The following VPS13C variants were observed in gnomAD, a reference collection of about 807,000 sequenced individuals.
VPS13C encodes the protein intermembrane lipid transfer protein VPS13C.
Under a neutral mutation model 456.8 loss-of-function variants are expected in VPS13C, and 358 were observed. The observed-to-expected ratio is 0.78, with a 90% CI of 0.72 to 0.86. The LOEUF is 0.86. VPS13C is among the 40% of genes least tolerant of loss of function. VPS13C has a pLI of 0.00. For missense variants in VPS13C, 4,818 were observed against 4,385.4 expected (o/e 1.10, Z -2.79); for synonymous variants, 1,578 against 1,486.7 (o/e 1.06, Z -1.41).
intron 66 of VPS13C, among the ~76,000 whole-genome samples, chr15:61,896,544 G>A (rs1159699481): frequency 1.0e-4 from 15 of 149,070 alleles, no homozygotes; most frequent in East Asian, 2.0e-4. Flanking sequence ...CTTTTCCGAC[G>A]GGCTTAAAAA....
intron 32 of VPS13C, 29 bp from the exon 33 acceptor site, chr15:61,962,881 T>C: frequency 6.9e-7 from 1 of 1,439,090 alleles, no homozygotes; most frequent in Non-Finnish European, 9.6e-7. Flanking sequence ...TATTATAATT[T>C]CTACAGACCT....
chr15:61,940,057 C>G (rs527745304), intron 47 of VPS13C, among the ~76,000 whole-genome samples: 1 of 151,192 alleles, frequency 6.6e-6, no homozygotes, highest in Non-Finnish European at 1.5e-5. Flanking sequence ...AATGGTAACA[C>G]CTTTCTAATT....
chr15:62,055,967 C>G (rs1299841000), intron 1 of VPS13C, among the ~76,000 whole-genome samples: 9 of 152,260 alleles, frequency 5.9e-5, no homozygotes, highest in African/African-American at 2.2e-4. Context: ...CTGCTACATG[C>G]CAATAGCACA....
In VPS13C at chr15:62,015,960, CAAAAAAAA is replaced by C. The variant is rs67786303; in HGVS notation, c.685-1976_685-1969del. 4.4e-4 allele frequency among the ~76,000 whole-genome samples: 32 copies of C among 72,420 alleles called. No individual in the cohort carries two copies. In the East Asian group the frequency reaches 7.3e-3, roughly 16 times the overall value. 47.5% of individuals were successfully genotyped at this position (72,420 alleles called of 152,430 possible). ...AAAATAAAAAATAAAAAAAGAAGTCCAAAAAAAAAAAAAAAAAAAAAAAACTAGTTTCC... is the reference window on the plus strand; with the variant it reads ...AAAATAAAAAATAAAAAAAGAAGTCCAAAAAAAAAAAAAAAACTAGTTTCC... On this transcript the variant is annotated intron_variant, in intron 9 of 84. Transcript: ENST00000644861.
At chr15:61,988,589 C>G (rs1232606581) in intron 18 of VPS13C, among the ~76,000 whole-genome samples, 1 of 152,086 alleles carries the variant, frequency 6.6e-6, no homozygotes, top group Non-Finnish European at 1.5e-5. Context: ...AACTGAACAG[C>G]TGATTCTAAA....
At chr15:62,000,687 C>T (rs2046581451) in intron 15 of VPS13C, 61 bp from the exon 16 acceptor site, 14 of 1,451,688 alleles carry the variant, frequency 9.6e-6, no homozygotes, top group Non-Finnish European at 1.3e-5. Context: ...AGAAATTTTT[C>T]TTTCATGATT....
chr15:62,010,463 G>T lies in VPS13C; in HGVS notation c.1011+9C>A. Reference sequence around the variant, plus strand: ...TAATCAAAGCTGGAAATATCCACATGAATCATACCTGAGGTTTGGTCAGTT... The same window carrying T: ...TAATCAAAGCTGGAAATATCCACATTAATCATACCTGAGGTTTGGTCAGTT... On this transcript the variant is annotated intron_variant, in intron 13 of 84. Coordinates refer to ENST00000644861, the MANE Select transcript of VPS13C (RefSeq NM_020821.3). 6.3e-7 allele frequency: 1 copy of T among 1,584,438 alleles called. No individual in the cohort carries two copies. Among genetic ancestry groups the T allele is most frequent in the South Asian group, 1.2e-5 (1 of 85,598 alleles).
At chr15:61,905,058 T>A (rs1566986762) in intron 66 of VPS13C, among the ~76,000 whole-genome samples, 1 of 152,152 alleles carries the variant, frequency 6.6e-6, no homozygotes, top group Non-Finnish European at 1.5e-5. Context: ...CTTGTTGTGT[T>A]AGCTAGTACA....
At chr15:61,896,725 A>T (rs1198538507) in intron 66 of VPS13C, among the ~76,000 whole-genome samples, 1 of 152,214 alleles carries the variant, frequency 6.6e-6, no homozygotes, top group Non-Finnish European at 1.5e-5. Flanking sequence ...AGCAGCTGGG[A>T]AGCTCGAACT....
intron 15 of VPS13C, among the ~76,000 whole-genome samples, chr15:62,004,848 T>C (rs1350346255): frequency 1.3e-5 from 2 of 152,230 alleles, no homozygotes; most frequent in Admixed American, 6.5e-5. Flanking sequence ...AGATTCTTAA[T>C]ACTGAGTTCT....
In VPS13C at chr15:61,984,941, T is replaced by A. The variant is rs764337240; in HGVS notation, c.1637A>T (p.Asn546Ile). Residue 546 changes from asparagine to isoleucine, a missense_variant, in exon 19 of 85, where the codon AAC (asparagine) becomes ATC (isoleucine). By Grantham distance (149) the Asn-to-Ile change is moderately radical. Around this residue, in one of 3 missense-constraint regions of VPS13C, gnomAD observed 4,552 missense variants for 4,130.6 expected, o/e 1.10. Coordinates refer to ENST00000644861, the MANE Select transcript of VPS13C (RefSeq NM_020821.3). ...TTTTAGTATTTCTGGAATATTCTTGTTTTCTCTTATCGTAACAGAGGTGCT... is the reference window on the plus strand; with the variant it reads ...TTTTAGTATTTCTGGAATATTCTTGATTTCTCTTATCGTAACAGAGGTGCT... ...LVSTSVTIRENKNIPEILKIQ... is the reference protein window; with the variant it reads ...LVSTSVTIREIKNIPEILKIQ... The A allele has an allele frequency of 6.2e-7, 1 of 1,611,832 alleles. No homozygotes were observed. The highest frequency in any genetic ancestry group is 8.5e-7 in the Non-Finnish European group (1 of 1,179,294).
In VPS13C at chr15:61,991,787, G is replaced by C; in HGVS notation, c.1369C>G (p.Gln457Glu). The change falls in exon 17 of 85, where the codon CAA becomes GAA. Residue 457 changes from glutamine to glutamate, a missense_variant. Transcript: ENST00000644861. The part of the protein sequence containing the change: ...QAQVEVIRSG[Q>E]KLRKKSADTG... Reference sequence around the variant, plus strand: ...TCAGCAGACTTTTTCCTTAATTTTTGCCCAGACCGAATCACCTGAAAAATA... The same window carrying C: ...TCAGCAGACTTTTTCCTTAATTTTTCCCCAGACCGAATCACCTGAAAAATA... 6.2e-7 allele frequency: 1 copy of C among 1,610,262 alleles called. No individual in the cohort carries two copies. The highest frequency in any genetic ancestry group is 1.1e-5 in the South Asian group (1 of 90,350).
In VPS13C at chr15:61,969,387, C is replaced by A. The variant is rs146940194; in HGVS notation, c.2823G>T (p.Gln941His). 3.1e-6 allele frequency: 5 copies of A among 1,597,064 alleles called. No homozygotes were observed. The highest frequency in any genetic ancestry group is 1.3e-5 in the African/African-American group (1 of 74,322). The change falls in exon 28 of 85, where the codon CAG (glutamine) becomes CAT (histidine). Residue 941 changes from glutamine to histidine, a missense_variant. Physicochemically the swap from Gln to His is conservative, Grantham distance 24 (BLOSUM62 0). Transcript: ENST00000644861. Reference sequence around the variant, plus strand: ...TTCTCATTGTGGCCTCTGTTCCTAACTGAGTAACATTAAATACTAGAATTG... The same window carrying A: ...TTCTCATTGTGGCCTCTGTTCCTAAATGAGTAACATTAAATACTAGAATTG... Reference protein sequence around the residue: ...EDTILVFNVTQLGTEATMRTF... With the variant: ...EDTILVFNVTHLGTEATMRTF...
chr15:61,969,158 A>T (rs1324175859), intron 28 of VPS13C, 141 bp downstream of exon 28: 1 of 571,800 alleles, frequency 1.7e-6, no homozygotes, highest in African/African-American at 1.9e-5. Context: ...TGCTATAAGG[A>T]TTAAATGAGT....
At chr15:62,036,656 C>A (rs1178164912) in intron 3 of VPS13C, among the ~76,000 whole-genome samples, 1 of 151,920 alleles carries the variant, frequency 6.6e-6, no homozygotes, top group Non-Finnish European at 1.5e-5. Flanking sequence ...TCTTGGTGAG[C>A]ATAAGACAGA....
Position 62,033,554 on chromosome 15 carries a change from C to G in VPS13C, c.284-12G>C, listed in dbSNP as rs578046420. The G allele has an allele frequency of 7.9e-6, 12 of 1,515,416 alleles. No homozygotes were observed. In the South Asian group the frequency reaches 1.4e-4, roughly 17 times the overall value. 93.9% of individuals were successfully genotyped at this position (1,515,416 alleles called of 1,614,324 possible). Reference sequence around the variant, plus strand: ...ATCATACTTAATACCTAAAAATATACAGTCAATTCACACAAAAATAAATGG... The same window carrying G: ...ATCATACTTAATACCTAAAAATATAGAGTCAATTCACACAAAAATAAATGG... On this transcript the variant is annotated splice_polypyrimidine_tract_variant and intron_variant, in intron 4 of 84. Transcript: ENST00000644861.
chr15:61,891,422 A>C (rs2042646745), intron 66 of VPS13C, among the ~76,000 whole-genome samples: 1 of 152,208 alleles, frequency 6.6e-6, no homozygotes, highest in Non-Finnish European at 1.5e-5. Context: ...TTATGTGATC[A>C]AAGATGCCTG....
intron 15 of VPS13C, among the ~76,000 whole-genome samples, chr15:62,004,386 T>C (rs2046753970): frequency 2.6e-5 from 4 of 152,208 alleles, no homozygotes; most frequent in South Asian, 4.1e-4. Flanking sequence ...TCAATATTTA[T>C]TGCATCTATT....
rs1327570106 is a variant in VPS13C, at chr15:61,961,921, A to C, written c.3604-28T>G. ...GTGGACACAAAGCATAAAAAGAGAA[A>C]TTCAAAGAGAATACAGGCACATCAA... On this transcript the variant is annotated intron_variant, in intron 34 of 84. Coordinates refer to ENST00000644861, the MANE Select transcript of VPS13C (RefSeq NM_020821.3). 1.9e-6 allele frequency: 3 copies of C among 1,582,286 alleles called. No homozygotes were observed. In the African/African-American group the frequency reaches 4.1e-5, roughly 22 times the overall value.
Sources: allele counts gnomAD v4.1 joint callset (sites outside exome capture counted in the v4.1 genomes callset), GRCh38; gene constraint gnomAD v4.1.1; regional missense constraint gnomAD v4.1.1; transcripts MANE v1.5; gene names NCBI Gene and HGNC (gene_info 2026-07-23, HGNC 2026-07-21).